Variants in RNF212 observed in about 807,000 individuals in gnomAD.
RNF212 encodes probable E3 SUMO-protein ligase RNF212.
In RNF212, 33 loss-of-function variants were observed where a neutral mutation model predicts 34.7. That is an observed-to-expected ratio of 0.95 (90% CI 0.72 to 1.27). The LOEUF is 1.27. Ranked by LOEUF, RNF212 falls within the 50% of genes most tolerant of loss-of-function variation. RNF212 has a pLI of 0.00. For missense variants in RNF212, 377 were observed against 362.2 expected (o/e 1.04, Z -0.33); for synonymous variants, 140 against 136.1 (o/e 1.03, Z -0.20).
downstream of RNF212, among the ~76,000 whole-genome samples, chr4:1,070,632 C>T (rs1419498379): frequency 6.6e-6 from 1 of 151,836 alleles, no homozygotes; most frequent in East Asian, 1.9e-4. Flanking sequence ...TAGGACTGCG[C>T]TGTGTCAGCG....
intron 2 of RNF212, among the ~76,000 whole-genome samples, chr4:1,106,532 A>G (rs558558075): frequency 6.6e-6 from 1 of 152,264 alleles, no homozygotes; most frequent in South Asian, 2.1e-4. Flanking sequence ...AAATAAAGAC[A>G]TATTAGAGAT....
intron 8 of RNF212, among the ~76,000 whole-genome samples, chr4:1,076,676 C>A (rs1164199901): frequency 6.6e-6 from 1 of 152,186 alleles, no homozygotes; most frequent in African/African-American, 2.4e-5. Context: ...GGAACTGCTA[C>A]ACACATCCAC....
Position 1,056,882 on chromosome 4 carries a change from C to T in RNF212, n.221-379G>A, listed in dbSNP as rs1022296137. 1.6e-5 allele frequency: 16 copies of T among 985,398 alleles called. No homozygotes were observed. In the South Asian group the frequency reaches 1.9e-4, roughly 12 times the overall value. The allele number at this position is 985,398 out of a possible 1,614,324, so 61.0% of individuals were successfully genotyped here. A position where few individuals can be genotyped will look rare whatever the true frequency, so the allele number is the denominator to read the frequency against. ...CAGGCTGGGGATGCTGATGGGCGGC[C>T]GGGGGGGCAGCCTGGCCTGGGAGCC... On this transcript the variant is annotated intron_variant and non_coding_transcript_variant, in intron 4 of 4. Transcript: ENST00000503206.
chr4:1,089,262 C>T (rs1426173362), intron 4 of RNF212, among the ~76,000 whole-genome samples: 1 of 152,210 alleles, frequency 6.6e-6, no homozygotes, highest in Non-Finnish European at 1.5e-5. Context: ...ATCAGCATGT[C>T]CTGGATGTGA....
intron 8 of RNF212, among the ~76,000 whole-genome samples, chr4:1,076,091 G>C (rs930775623): frequency 6.6e-6 from 1 of 152,208 alleles, no homozygotes; most frequent in African/African-American, 2.4e-5. Context: ...CTCATTTAAG[G>C]TTAACAGCCT....
At chr4:1,112,080 T>C (rs1302259798) in intron 1 of RNF212, among the ~76,000 whole-genome samples, 3 of 152,184 alleles carry the variant, frequency 2.0e-5, no homozygotes, top group Non-Finnish European at 2.9e-5. Flanking sequence ...TGGCTGCACA[T>C]GCCTGTAGCC....
intron 8 of RNF212, among the ~76,000 whole-genome samples, chr4:1,075,441 G>A (rs752704523): frequency 3.4e-4 from 52 of 152,280 alleles, no homozygotes; most frequent in African/African-American, 8.4e-4. Flanking sequence ...GGGAGCAGGC[G>A]CGTTGCAGGG....
intron 8 of RNF212, among the ~76,000 whole-genome samples, chr4:1,078,713 C>T (rs755197167): frequency 6.6e-5 from 10 of 152,258 alleles, no homozygotes; most frequent in South Asian, 2.1e-4. Context: ...GGGACCAGCA[C>T]GGGACCAACA....
At chr4:1,073,260 G>T in intron 9 of RNF212, 67 bp from the exon 10 acceptor site, 1 of 1,547,948 alleles carries the variant, frequency 6.5e-7, no homozygotes. Flanking sequence ...GATGTGTGCT[G>T]AGGGTGAGGG....
intron 8 of RNF212, among the ~76,000 whole-genome samples, chr4:1,076,936 A>G (rs1031866007): frequency 6.6e-6 from 1 of 152,214 alleles, no homozygotes; most frequent in Non-Finnish European, 1.5e-5. Context: ...ATGTTTTACT[A>G]TCTGGCCCTT....
intron 2 of RNF212, among the ~76,000 whole-genome samples, chr4:1,098,691 C>T (rs941162959): frequency 2.6e-5 from 4 of 152,196 alleles, no homozygotes; most frequent in African/African-American, 9.7e-5. Context: ...CCTGGTTCTC[C>T]ACCTAACTCC....
downstream of RNF212, among the ~76,000 whole-genome samples, chr4:1,069,862 G>A (rs1718328836): frequency 6.6e-6 from 1 of 152,260 alleles, no homozygotes; most frequent in Non-Finnish European, 1.5e-5. Flanking sequence ...AGATGTTACA[G>A]CTGGATGTAG....
At chr4:1,073,783 C>A in intron 8 of RNF212, 121 bp from the exon 9 acceptor site, 1 of 703,434 alleles carries the variant, frequency 1.4e-6, no homozygotes, top group East Asian at 2.7e-5. Context: ...CTTTATCGCC[C>A]TCTGACAAGT....
At chr4:1,077,248 A>C (rs759033688) in intron 8 of RNF212, among the ~76,000 whole-genome samples, 6 of 152,176 alleles carry the variant, frequency 3.9e-5, no homozygotes, top group Admixed American at 6.5e-5. Context: ...AAACAAACAA[A>C]AAACAAAAAG....
At chr4:1,083,944 C>CTTT (rs1560119138) in intron 5 of RNF212, among the ~76,000 whole-genome samples, 2 of 98,072 alleles carry the variant, frequency 2.0e-5, no homozygotes, top group East Asian at 2.8e-4. Context: ...ACATTTTGTG[C>CTTT]ATTTTTTTTT....
chr4:1,072,969 A>T lies in RNF212; in HGVS notation c.799T>A (p.Phe267Ile). 1 of 1,614,220 alleles carries T rather than the reference A, an allele frequency of 6.2e-7. No individual in the cohort carries two copies. The highest frequency in any genetic ancestry group is 8.5e-7 in the Non-Finnish European group (1 of 1,180,026). ...TCCAGGGTGCCCTCAGCCTGCTGGAACGGAAACAAGACGGCCCTTTGTACC... is the reference window on the plus strand; with the variant it reads ...TCCAGGGTGCCCTCAGCCTGCTGGATCGGAAACAAGACGGCCCTTTGTACC... ...AEVQRAVLFP[F>I]QQAEGTLDTF... Residue 267 changes from phenylalanine to isoleucine, a missense_variant, in exon 10 of 10, where the codon TTC becomes ATC. Coordinates refer to ENST00000433731, the MANE Select transcript of RNF212 (RefSeq NM_001131034.4).
chr4:1,081,346 G>A, intron 7 of RNF212, 73 bp downstream of exon 7: 1 of 1,300,678 alleles, frequency 7.7e-7, no homozygotes, highest in Non-Finnish European at 1.1e-6. Flanking sequence ...AGGGGGTGGG[G>A]TTGGGATGGG....
intron 3 of RNF212, chr4:1,093,672 A>T: frequency 3.9e-6 from 6 of 1,536,050 alleles, no homozygotes; most frequent in Non-Finnish European, 5.2e-6. Context: ...TGGCAAAACC[A>T]CCCTGGAGCG....
chr4:1,083,875 C>T (rs1056556162), intron 5 of RNF212, among the ~76,000 whole-genome samples: 1 of 150,472 alleles, frequency 6.6e-6, no homozygotes, highest in African/African-American at 2.5e-5. Context: ...ATGCAAAACA[C>T]GAATCCACAG....
Sources: allele counts gnomAD v4.1 joint callset (sites outside exome capture counted in the v4.1 genomes callset), GRCh38; gene constraint gnomAD v4.1.1; transcripts MANE v1.5; gene names NCBI Gene and HGNC (gene_info 2026-07-23, HGNC 2026-07-21).